MARCHF1: variants seen among roughly 807,000 people sequenced by gnomAD.
MARCHF1 encodes E3 ubiquitin-protein ligase MARCHF1.
Under a neutral mutation model 54.2 loss-of-function variants are expected in MARCHF1, and 40 were observed. The ratio of observed to expected loss-of-function variants is 0.74; its 90% CI spans 0.57 to 0.96. MARCHF1 has a LOEUF of 0.96. MARCHF1 is among the 40% of genes least tolerant of loss of function. The probability of loss-of-function intolerance (pLI) is 0.00; values close to 1 mark genes in which losing one functional copy is unlikely to be tolerated. For synonymous variants in MARCHF1, 236 were observed against 236.3 expected, an observed-to-expected ratio of 1.00 and a Z score of 0.01; for missense variants, 586 against 656.5, an observed-to-expected ratio of 0.89 and a Z score of 1.17.
At chr4:163,723,497 G>C (rs904730975) in intron 4 of MARCHF1, among the ~76,000 whole-genome samples, 3 of 152,098 alleles carry the variant, frequency 2.0e-5, no homozygotes, top group Admixed American at 2.0e-4. Flanking sequence ...TGACAATTAT[G>C]TGTCTTGGAG....
rs1554014060 is a variant in MARCHF1 at position 163,796,221 on chromosome 4, G to GTTGTT, written c.111+57799_111+57800insAACAA. On this transcript the variant is annotated intron_variant, in intron 4 of 9. Transcript: ENST00000514618. ...TACTTCCAGAAAAGTGAAACTTCTA[G>GTTGTT]TTTTTTTTTTTTTTTTTTTTTTTGA... 4.5e-4 allele frequency among the ~76,000 whole-genome samples: 37 copies of GTTGTT among 82,228 alleles called. 5 individuals carry two copies. Among genetic ancestry groups the GTTGTT allele is most frequent in the South Asian group, 9.7e-4 (2 of 2,066 alleles). 53.9% of individuals were successfully genotyped at this position (82,228 alleles called of 152,430 possible).
chr4:163,667,359 A>AT (rs1743575432), intron 5 of MARCHF1, among the ~76,000 whole-genome samples: 1 of 152,002 alleles, frequency 6.6e-6, no homozygotes, highest in Admixed American at 6.6e-5. Flanking sequence ...ACTACATTTG[A>AT]TTTTTTTCCC....
intron 9 of MARCHF1, among the ~76,000 whole-genome samples, chr4:163,532,563 C>G (rs534683020): frequency 6.6e-6 from 1 of 151,792 alleles, no homozygotes; most frequent in Admixed American, 6.6e-5. Flanking sequence ...AAAACTAAAA[C>G]CTTTTGCTCT....
rs531614272 is a variant in MARCHF1 at position 163,679,799 on chromosome 4, A to G, written c.162+21014T>C. The stretch of plus-strand genomic sequence containing the variant: ...GGCTAATTTTTTGTATTTTTAGTAG[A>G]GACGGGGTTTCACCGTGGTCTCGAT... On this transcript the variant is annotated intron_variant, in intron 5 of 9. Coordinates refer to ENST00000514618, the MANE Select transcript of MARCHF1 (RefSeq NM_001394959.1). Among the ~76,000 whole-genome samples the G allele has an allele frequency of 2.0e-5, 3 of 151,634 alleles. No individual in the cohort carries two copies. The South Asian group carries it at 6.3e-4, about 32-fold the overall frequency.
At chr4:163,585,643 G>A in intron 8 of MARCHF1, 106 bp downstream of exon 8, 3 of 876,460 alleles carry the variant, frequency 3.4e-6, no homozygotes, top group East Asian at 2.6e-5. Context: ...TACCCTTAAT[G>A]GATATTAGCA....
At chr4:163,621,151 C>T (rs1230614079) in intron 5 of MARCHF1, among the ~76,000 whole-genome samples, 3 of 152,142 alleles carry the variant, frequency 2.0e-5, no homozygotes, top group African/African-American at 7.2e-5. Flanking sequence ...TGTAATAGGA[C>T]ACTGATCTTG....
intron 4 of MARCHF1, among the ~76,000 whole-genome samples, chr4:163,772,359 C>A (rs1309157559): frequency 6.6e-6 from 1 of 152,152 alleles, no homozygotes; most frequent in Non-Finnish European, 1.5e-5. Context: ...TTGCCACAAA[C>A]TGAACAGCCT....
At chr4:164,251,316 T>G (rs1463648466) in intron 1 of MARCHF1, among the ~76,000 whole-genome samples, 2 of 152,166 alleles carry the variant, frequency 1.3e-5, no homozygotes, top group East Asian at 1.9e-4. Flanking sequence ...AAAGTCACAT[T>G]GTTTTACTTT....
intron 1 of MARCHF1, among the ~76,000 whole-genome samples, chr4:164,156,420 G>GTT (rs71600679): frequency 3.9e-5 from 6 of 151,902 alleles, no homozygotes; most frequent in Non-Finnish European, 7.4e-5. Flanking sequence ...AAATTCTTGT[G>GTT]TTTTTTTAAT....
In MARCHF1 at chr4:163,906,385, G is replaced by A. The variant is rs193213836; in HGVS notation, c.-38-52216C>T. Among the ~76,000 whole-genome samples the A allele has an allele frequency of 2.2e-3, 332 of 152,052 alleles. 1 individual carries two copies. Among genetic ancestry groups the A allele is most frequent in the African/African-American group, 7.7e-3 (318 of 41,524 alleles). ...CTGTAATACTGCTCAGGTTGAAGGG[G>A]AAGAAAAGACTAGAATCTGAAGAGA... On this transcript the variant is annotated intron_variant, in intron 3 of 9. Coordinates refer to ENST00000514618, the MANE Select transcript of MARCHF1 (RefSeq NM_001394959.1).
intron 5 of MARCHF1, among the ~76,000 whole-genome samples, chr4:163,680,108 T>G (rs1169686851): frequency 1.3e-5 from 2 of 152,092 alleles, no homozygotes; most frequent in Non-Finnish European, 2.9e-5. Context: ...AAAGTTCTCT[T>G]TAACTGAGTC....
At position 163,650,887 on chromosome 4, in the gene MARCHF1, C is replaced by T. The variant is rs116683354; in HGVS notation, c.163-37494G>A. On this transcript the variant is annotated intron_variant, in intron 5 of 9. Transcript: ENST00000514618. ...CGTCGTAGAAAGAAGCACTATGTTGCGTTTATTGTATGCCAGGAGTTCAAA... is the reference window on the plus strand; with the variant it reads ...CGTCGTAGAAAGAAGCACTATGTTGTGTTTATTGTATGCCAGGAGTTCAAA... 4.9e-3 allele frequency among the ~76,000 whole-genome samples: 740 copies of T among 151,912 alleles called. 9 individuals are homozygous for T. The highest frequency in any genetic ancestry group is 0.017 in the African/African-American group (691 of 41,504).
chr4:164,298,564 C>T (rs995672571), intron 1 of MARCHF1, among the ~76,000 whole-genome samples: 2 of 152,000 alleles, frequency 1.3e-5, no homozygotes, highest in African/African-American at 2.4e-5. Context: ...TACCTTTACA[C>T]GGATTTAGTT....
intron 4 of MARCHF1, among the ~76,000 whole-genome samples, chr4:163,817,340 T>G (rs758083543): frequency 1.6e-4 from 24 of 150,756 alleles, no homozygotes; most frequent in South Asian, 2.1e-4. Context: ...TACATATATA[T>G]GTACATATAC....
intron 1 of MARCHF1, chr4:164,197,732 A>C (rs749924632): frequency 3.1e-6 from 5 of 1,611,322 alleles, no homozygotes; most frequent in Non-Finnish European, 4.2e-6. Context: ...CTCTGTCTGC[A>C]GAGGCTCTCG....
At chr4:163,994,008 G>A (rs1395676573) in intron 2 of MARCHF1, among the ~76,000 whole-genome samples, 2 of 152,060 alleles carry the variant, frequency 1.3e-5, no homozygotes, top group Admixed American at 1.3e-4. Flanking sequence ...GTAAATAAAT[G>A]TACAAGCTAA....
intron 3 of MARCHF1, among the ~76,000 whole-genome samples, chr4:163,876,302 T>A (rs1346053148): frequency 6.6e-6 from 1 of 152,160 alleles, no homozygotes; most frequent in Non-Finnish European, 1.5e-5. Flanking sequence ...AACTTCCATT[T>A]ATTCTTTAGA....
At chr4:164,176,968 C>CCATATATATATATATATATA (rs1201114627) in intron 1 of MARCHF1, among the ~76,000 whole-genome samples, 2 of 43,338 alleles carry the variant, frequency 4.6e-5, no homozygotes, top group African/African-American at 1.1e-4. Flanking sequence ...CTCTCTCTCT[C>CCATATATATATATATATATA]TCTCTCTCTC....
intron 4 of MARCHF1, among the ~76,000 whole-genome samples, chr4:163,844,654 T>C (rs898367258): frequency 3.3e-5 from 5 of 152,240 alleles, no homozygotes; most frequent in African/African-American, 9.6e-5. Flanking sequence ...GTGATTACTG[T>C]GATTGAAATA....
Sources: allele counts gnomAD v4.1 joint callset (sites outside exome capture counted in the v4.1 genomes callset), GRCh38; gene constraint gnomAD v4.1.1; transcripts MANE v1.5; gene names NCBI Gene and HGNC (gene_info 2026-07-23, HGNC 2026-07-21).